The following MLLT10 variants were observed in gnomAD, a reference collection of about 807,000 sequenced individuals.
MLLT10 encodes the protein MLLT10 histone lysine methyltransferase DOT1L cofactor.
MLLT10 carries 30 observed loss-of-function variants against 129.1 expected under a neutral mutation model. The ratio of observed to expected loss-of-function variants is 0.23; its 90% CI spans 0.17 to 0.32. MLLT10 has a LOEUF of 0.32. MLLT10 is among the 10% of genes least tolerant of loss of function. The pLI is 1.00. For missense variants in MLLT10, 1,119 were observed against 1,268.3 expected (o/e 0.88, Z 1.79); for synonymous variants, 490 against 446.4 (o/e 1.10, Z -1.23).
At chr10:21,597,511 A>G (rs565424254) in intron 5 of MLLT10, among the ~76,000 whole-genome samples, 62 of 152,264 alleles carry the variant, frequency 4.1e-4, no homozygotes, top group African/African-American at 1.4e-3. Context: ...CTGGGATTAC[A>G]GGTGTACACC....
At chr10:21,672,507 A>G (rs1348605175) in intron 10 of MLLT10, among the ~76,000 whole-genome samples, 1 of 151,934 alleles carries the variant, frequency 6.6e-6, no homozygotes, top group African/African-American at 2.4e-5. Flanking sequence ...GGGTTTCACC[A>G]TGTTGGTCAG....
chr10:21,626,570 A>G (rs944830647), intron 8 of MLLT10, among the ~76,000 whole-genome samples: 8 of 152,144 alleles, frequency 5.3e-5, no homozygotes, highest in Non-Finnish European at 7.3e-5. Context: ...TAATGGCCCC[A>G]TCAGCTCTCA....
intron 14 of MLLT10, among the ~76,000 whole-genome samples, chr10:21,722,719 G>A (rs944170384): frequency 6.6e-6 from 1 of 152,098 alleles, no homozygotes; most frequent in African/African-American, 2.4e-5. Context: ...ACTAAAAGGT[G>A]GGGGTTTCTT....
At chr10:21,685,332 A>G (rs1039312453) in intron 13 of MLLT10, among the ~76,000 whole-genome samples, 1 of 152,120 alleles carries the variant, frequency 6.6e-6, no homozygotes, top group Non-Finnish European at 1.5e-5. Context: ...TGACCAAGGA[A>G]AGATGATTAT....
At chr10:21,643,382 C>T (rs116335072) in intron 8 of MLLT10, among the ~76,000 whole-genome samples, 3 of 152,154 alleles carry the variant, frequency 2.0e-5, no homozygotes, top group African/African-American at 7.2e-5. Flanking sequence ...TAGTGACATT[C>T]TCTTATGTAA....
chr10:21,618,033 T>C (rs1372312966), intron 8 of MLLT10, among the ~76,000 whole-genome samples: 2 of 152,068 alleles, frequency 1.3e-5, no homozygotes, highest in African/African-American at 4.8e-5. Flanking sequence ...GAATCTATTA[T>C]GAATTGTGTT....
At chr10:21,538,350 A>C (rs2034466710) in intron 2 of MLLT10, among the ~76,000 whole-genome samples, 1 of 151,878 alleles carries the variant, frequency 6.6e-6, no homozygotes, top group Non-Finnish European at 1.5e-5. Context: ...TTTAGTAGGG[A>C]CAGGGTTTCT....
chr10:21,660,258 A>G (rs942931285), intron 9 of MLLT10, among the ~76,000 whole-genome samples: 21 of 142,746 alleles, frequency 1.5e-4, no homozygotes, highest in South Asian at 2.6e-4. Context: ...GTGAGCCACC[A>G]TGCCTGGCCA....
In MLLT10 at chr10:21,550,679, G is replaced by A. The variant is rs559435290; in HGVS notation, c.240+11767G>A. Among the ~76,000 whole-genome samples the A allele has an allele frequency of 2.2e-4, 33 of 152,086 alleles. 1 individual carries two copies. Among genetic ancestry groups the A allele is most frequent in the African/African-American group, 7.7e-4 (32 of 41,494 alleles). Reference sequence around the variant, plus strand: ...TATGAGTAGCTGGGACTACGGATGGGTGCCACCAAGCCCAGCTAATTTTTG... The same window carrying A: ...TATGAGTAGCTGGGACTACGGATGGATGCCACCAAGCCCAGCTAATTTTTG... On this transcript the variant is annotated intron_variant, in intron 3 of 22. Transcript: ENST00000307729.
chr10:21,689,938 T>C (rs1034944676), intron 13 of MLLT10, among the ~76,000 whole-genome samples: 1 of 151,890 alleles, frequency 6.6e-6, no homozygotes, highest in Non-Finnish European at 1.5e-5. Context: ...ACTGATGAGA[T>C]GTGTATTACC....
At chr10:21,727,757 A>G in intron 15 of MLLT10, 99 bp from the exon 16 acceptor site, 1 of 836,472 alleles carries the variant, frequency 1.2e-6, no homozygotes, top group Non-Finnish European at 1.9e-6. Flanking sequence ...AGATAGTGGT[A>G]AAGGTTTAAT....
intron 13 of MLLT10, among the ~76,000 whole-genome samples, chr10:21,697,063 A>G (rs996699859): frequency 3.5e-5 from 5 of 143,522 alleles, no homozygotes; most frequent in African/African-American, 1.3e-4. Context: ...GTTGATTGTT[A>G]TATAATCCAC....
rs536962563 is a variant in MLLT10 at position 21,727,789 on chromosome 10, G to A, written c.1991-67G>A. 215 of 1,253,072 alleles carry A rather than the reference G, an allele frequency of 1.7e-4. 1 individual carries two copies. In the African/African-American group the frequency reaches 2.6e-3, roughly 15 times the overall value. The allele number at this position is 1,253,072 out of a possible 1,614,324, so 77.6% of individuals were successfully genotyped here. ...TAATGTATGTTTTAGGAAAAATCAGGGCAAGAGTTTAAAACCTCTTATCTA... is the reference window on the plus strand; with the variant it reads ...TAATGTATGTTTTAGGAAAAATCAGAGCAAGAGTTTAAAACCTCTTATCTA... On this transcript the variant is annotated intron_variant, in intron 15 of 22. Transcript: ENST00000307729.
At chr10:21,704,016 G>GGT (rs2055191250) in intron 13 of MLLT10, among the ~76,000 whole-genome samples, 1 of 56,616 alleles carries the variant, frequency 1.8e-5, no homozygotes, top group Non-Finnish European at 3.0e-5. Flanking sequence ...ATTGTTTTTT[G>GGT]TTTTTTTTTT....
At chr10:21,619,405 A>G (rs1007301282) in intron 8 of MLLT10, among the ~76,000 whole-genome samples, 1 of 152,190 alleles carries the variant, frequency 6.6e-6, no homozygotes, top group African/African-American at 2.4e-5. Context: ...ATTTTAAGAT[A>G]TGCCCTATCA....
chr10:21,724,663 G>C (rs976442101), intron 14 of MLLT10, among the ~76,000 whole-genome samples: 6 of 152,230 alleles, frequency 3.9e-5, no homozygotes, highest in African/African-American at 1.4e-4. Context: ...AGGCCACTGA[G>C]AGTCTTCTGT....
intron 8 of MLLT10, among the ~76,000 whole-genome samples, chr10:21,642,862 A>C (rs1035058910): frequency 2.0e-5 from 3 of 152,066 alleles, no homozygotes; most frequent in Non-Finnish European, 1.5e-5. Context: ...TTAAGAAATC[A>C]GGACTTTGTC....
chr10:21,582,109 A>G (rs77907649), intron 3 of MLLT10, among the ~76,000 whole-genome samples: 132 of 145,132 alleles, frequency 9.1e-4, no homozygotes, highest in African/African-American at 3.1e-3. Flanking sequence ...GTACATTGTT[A>G]TTTTTTTTTT....
chr10:21,619,951 C>G (rs911815319), intron 8 of MLLT10, among the ~76,000 whole-genome samples: 3 of 98,978 alleles, frequency 3.0e-5, no homozygotes, highest in Non-Finnish European at 6.1e-5. Context: ...TTTTTTTTGT[C>G]GCTTAGGCTG....
Sources: gnomAD v4.1 joint callset for allele counts (sites outside exome capture counted in the v4.1 genomes callset) on GRCh38, gnomAD v4.1.1 for gene constraint, MANE v1.5 for transcripts, NCBI Gene and HGNC (gene_info 2026-07-23, HGNC 2026-07-21) for gene names.